The following COL14A1 variants were observed in gnomAD, a reference collection of about 807,000 sequenced individuals.
COL14A1 encodes the protein collagen alpha-1(XIV) chain.
Under a neutral mutation model 230.3 loss-of-function variants are expected in COL14A1, and 136 were observed. That is an observed-to-expected ratio of 0.59 (90% CI 0.51 to 0.68). The LOEUF is 0.68. Ranked by LOEUF, COL14A1 falls within the 30% of genes least tolerant of loss-of-function variation. The pLI is 0.00. For synonymous variants in COL14A1, 792 were observed against 784.1 expected (o/e 1.01, Z -0.17); for missense variants, 1,976 against 2,215.8 (o/e 0.89, Z 2.17).
In COL14A1 at chr8:120,196,874, T is replaced by C; in HGVS notation, c.520T>C (p.Phe174Leu). ...TTCATGGAGTATTGGAAGATTCAAC[T>C]TCAGACTGGTTCGGCATTTCTTGGA... is the stretch of plus-strand genomic sequence containing the variant. ...DGSWSIGRFN[F>L]RLVRHFLENL... Residue 174 changes from phenylalanine (F) to leucine (L), a missense_variant, in exon 6 of 48, where the codon TTC (phenylalanine) becomes CTC (leucine). By Grantham distance (22) the Phe-to-Leu change is conservative (BLOSUM62 0). Coordinates refer to ENST00000297848, the MANE Select transcript of COL14A1 (RefSeq NM_021110.4). 6.2e-7 allele frequency: 1 copy of C among 1,614,164 alleles called. No homozygotes were observed. Among genetic ancestry groups the C allele is most frequent in the Non-Finnish European group, 8.5e-7 (1 of 1,180,008 alleles).
intron 40 of COL14A1, among the ~76,000 whole-genome samples, chr8:120,330,340 G>A (rs1308313894): frequency 6.6e-6 from 1 of 152,096 alleles, no homozygotes; most frequent in Non-Finnish European, 1.5e-5. Flanking sequence ...TTATTCTCAC[G>A]CTGCTAATAA....
chr8:120,340,621 A>T (rs1822260539), intron 42 of COL14A1, among the ~76,000 whole-genome samples: 1 of 152,220 alleles, frequency 6.6e-6, no homozygotes, highest in Admixed American at 6.5e-5. Flanking sequence ...GTTTTGCATT[A>T]GATGTATGAT....
intron 5 of COL14A1, among the ~76,000 whole-genome samples, chr8:120,172,446 C>T (rs886496385): frequency 2.6e-5 from 4 of 152,044 alleles, no homozygotes; most frequent in Non-Finnish European, 4.4e-5. Context: ...CCACCGCAGC[C>T]GGTTAGGGTT....
chr8:120,201,675 A>G (rs952116304), intron 8 of COL14A1, among the ~76,000 whole-genome samples: 1 of 152,162 alleles, frequency 6.6e-6, no homozygotes, highest in Admixed American at 6.5e-5. Flanking sequence ...ATCAATGAAA[A>G]AAAAACTTTA....
rs756475878 is a variant in COL14A1 at position 120,147,970 on chromosome 8, T to C, written c.88+40T>C. On this transcript the variant is annotated intron_variant, in intron 2 of 47. Coordinates refer to ENST00000297848, the MANE Select transcript of COL14A1 (RefSeq NM_021110.4). Reference sequence around the variant, plus strand: ...TGAGAATCAGTAGGGTCTGGGACTCTAGCTTTCTTGTTTCTGATTATCATT... The same window carrying C: ...TGAGAATCAGTAGGGTCTGGGACTCCAGCTTTCTTGTTTCTGATTATCATT... 5 of 1,365,210 alleles carry C rather than the reference T, an allele frequency of 3.7e-6. No individual in the cohort carries two copies. The Admixed American group carries it at 7.8e-5, about 21-fold the overall frequency. The allele number at this position is 1,365,210 out of a possible 1,614,324, so 84.6% of individuals were successfully genotyped here. A position where few individuals can be genotyped will look rare whatever the true frequency, so the allele number is the denominator to read the frequency against.
intron 24 of COL14A1, among the ~76,000 whole-genome samples, chr8:120,266,023 G>A (rs1469137922): frequency 1.3e-5 from 2 of 152,144 alleles, no homozygotes; most frequent in Middle Eastern, 3.4e-3. Context: ...GTTTTCCTGA[G>A]TATTAAACTG....
At chr8:120,192,290 C>T (rs1388965573) in intron 5 of COL14A1, among the ~76,000 whole-genome samples, 3 of 152,070 alleles carry the variant, frequency 2.0e-5, no homozygotes, top group Admixed American at 2.0e-4. Context: ...TATTTTATTT[C>T]TCCTTCACTT....
chr8:120,226,326 G>A (rs1439918865), intron 15 of COL14A1, among the ~76,000 whole-genome samples: 1 of 151,890 alleles, frequency 6.6e-6, no homozygotes, highest in Admixed American at 6.6e-5. Flanking sequence ...AATGAATATG[G>A]CACTCTTGTT....
chr8:120,195,460 G>A (rs1179095943), intron 5 of COL14A1, among the ~76,000 whole-genome samples: 1 of 152,092 alleles, frequency 6.6e-6, no homozygotes, highest in Non-Finnish European at 1.5e-5. Flanking sequence ...TTCTTTGGAA[G>A]CACAGACCAG....
chr8:120,271,641 A>G (rs888594777), intron 26 of COL14A1, among the ~76,000 whole-genome samples: 2 of 151,634 alleles, frequency 1.3e-5, no homozygotes, highest in African/African-American at 2.4e-5. Flanking sequence ...GAAAATGATA[A>G]GTACAGAGGA....
chr8:120,356,811 G>T (rs761815009), intron 45 of COL14A1, among the ~76,000 whole-genome samples: 1 of 151,532 alleles, frequency 6.6e-6, no homozygotes, highest in Admixed American at 6.6e-5. Context: ...CTTGAAAGAT[G>T]AATACAGATA....
intron 4 of COL14A1, 108 bp downstream of exon 4, chr8:120,162,677 A>G (rs1159048466): frequency 1.9e-5 from 19 of 995,946 alleles, no homozygotes; most frequent in Non-Finnish European, 2.5e-5. Flanking sequence ...TTTCAGATTT[A>G]TAGAGATCCT....
chr8:120,340,297 A>G (rs961375270), intron 42 of COL14A1, among the ~76,000 whole-genome samples: 2 of 152,250 alleles, frequency 1.3e-5, no homozygotes, highest in East Asian at 3.9e-4. Flanking sequence ...TGATAGAAAC[A>G]CTTACACCTC....
chr8:120,248,917 CTTTTTTTTTTTTT>C (rs71571673), intron 21 of COL14A1, among the ~76,000 whole-genome samples: 2 of 84,226 alleles, frequency 2.4e-5, no homozygotes, highest in Admixed American at 1.5e-4. Flanking sequence ...TTCAATCTTT[CTTTTTTTTTTTTT>C]TTTTTTTTTT....
intron 13 of COL14A1, among the ~76,000 whole-genome samples, chr8:120,213,375 C>T (rs539298147): frequency 1.3e-5 from 2 of 152,260 alleles, no homozygotes; most frequent in Admixed American, 1.3e-4. Flanking sequence ...TTCTCCTAGA[C>T]TCGGGAGATG....
rs558540257 is a variant in COL14A1 at position 120,355,650 on chromosome 8, T to A, written c.5077+10087T>A. On this transcript the variant is annotated intron_variant, in intron 45 of 47. Transcript: ENST00000297848. ...CTAGTCTCGAACTCCTAACCTCAAC[T>A]GACAACCCCCCCACCCCGCCTCGGC... Among the ~76,000 whole-genome samples, 46 of 152,146 alleles carry A rather than the reference T, an allele frequency of 3.0e-4. No individual in the cohort carries two copies. The East Asian group carries it at 5.8e-3, about 19-fold the overall frequency.
chr8:120,223,695 A>T (rs1818003652), intron 14 of COL14A1, among the ~76,000 whole-genome samples: 3 of 151,960 alleles, frequency 2.0e-5, no homozygotes, highest in Admixed American at 2.0e-4. Context: ...AAAAAAAGGG[A>T]TCTTATTGCT....
intron 5 of COL14A1, among the ~76,000 whole-genome samples, chr8:120,172,144 C>A (rs891020979): frequency 3.7e-5 from 5 of 133,866 alleles, no homozygotes; most frequent in South Asian, 2.4e-4. Flanking sequence ...GGGTTAAATT[C>A]TTTTGTTTGT....
At chr8:120,311,339 C>T (rs1257975342) in intron 37 of COL14A1, among the ~76,000 whole-genome samples, 1 of 152,148 alleles carries the variant, frequency 6.6e-6, no homozygotes, top group East Asian at 1.9e-4. Context: ...TCCCTCTTCC[C>T]AGTGCCTCTA....
Sources: gnomAD v4.1 joint callset for allele counts (sites outside exome capture counted in the v4.1 genomes callset) on GRCh38, gnomAD v4.1.1 for gene constraint, MANE v1.5 for transcripts, NCBI Gene and HGNC (gene_info 2026-07-23, HGNC 2026-07-21) for gene names.